The following PSME4 variants were observed in gnomAD, a reference collection of about 807,000 sequenced individuals.
PSME4 encodes the protein proteasome activator complex subunit 4.
PSME4 carries 89 observed loss-of-function variants against 253.9 expected under a neutral mutation model. The ratio of observed to expected loss-of-function variants is 0.35; its 90% CI spans 0.30 to 0.42. PSME4 has a LOEUF of 0.42. Ranked by LOEUF, PSME4 falls within the 10% of genes least tolerant of loss-of-function variation. The probability of loss-of-function intolerance (pLI) is 1.00; values close to 1 mark genes in which losing one functional copy is unlikely to be tolerated. For missense variants in PSME4, 2,014 were observed against 2,195.2 expected, an observed-to-expected ratio of 0.92 and a Z score of 1.65; for synonymous variants, 851 against 759.2, an observed-to-expected ratio of 1.12 and a Z score of -1.99.
chr2:53,955,451 T>C (rs1670187757), intron 1 of PSME4, among the ~76,000 whole-genome samples: 1 of 152,166 alleles, frequency 6.6e-6, no homozygotes, highest in African/African-American at 2.4e-5. Context: ...ATTCTTCCAA[T>C]GTGGGCCAGG....
intron 29 of PSME4, among the ~76,000 whole-genome samples, chr2:53,899,272 C>T (rs1680282229): frequency 6.6e-6 from 1 of 151,596 alleles, no homozygotes; most frequent in South Asian, 2.1e-4. Context: ...CACCATGTTG[C>T]CCAGGCTGGT....
chr2:53,954,457 G>A (rs1002681339), intron 1 of PSME4, among the ~76,000 whole-genome samples: 1 of 152,194 alleles, frequency 6.6e-6, no homozygotes, highest in East Asian at 1.9e-4. Flanking sequence ...CTGGGCAACA[G>A]AGTGAGACCC....
chr2:53,918,514 GTA>G (rs1397962867), intron 20 of PSME4, among the ~76,000 whole-genome samples: 2 of 151,976 alleles, frequency 1.3e-5, no homozygotes, highest in Non-Finnish European at 2.9e-5. Flanking sequence ...GCTCATTTTT[GTA>G]TTTTTTTGTA....
chr2:53,915,205 T>A (rs546963292), intron 20 of PSME4, among the ~76,000 whole-genome samples: 12 of 152,230 alleles, frequency 7.9e-5, no homozygotes, highest in African/African-American at 2.9e-4. Context: ...CTTTTGGATG[T>A]GGAGACAGGC....
intron 45 of PSME4, 140 bp from the exon 46 acceptor site, chr2:53,866,363 G>C: frequency 1.1e-6 from 1 of 894,018 alleles, no homozygotes; most frequent in Non-Finnish European, 1.7e-6. Flanking sequence ...AAAAGCCAAT[G>C]AGAAGGACAA....
chr2:53,944,871 AAAAAT>A (rs1410986075), intron 3 of PSME4, among the ~76,000 whole-genome samples: 3 of 152,226 alleles, frequency 2.0e-5, no homozygotes, highest in Non-Finnish European at 4.4e-5. Context: ...CAAATACCAG[AAAAAT>A]AAAATATCAA....
chr2:53,923,405 C>T lies in PSME4; in HGVS notation c.1824G>A (p.Lys608=), dbSNP rs751963440. ...TATGTGAAGTAGAAAAATTAAAAACCTTCTGAAGGGCCACCTGTTAAGATA... is the reference window on the plus strand; with the variant it reads ...TATGTGAAGTAGAAAAATTAAAAACTTTCTGAAGGGCCACCTGTTAAGATA... The part of the protein sequence containing the change: ...SKEIFMVALQ[K]VFNFSTSHIF... The change falls in exon 15 of 47, where the codon AAG becomes AAA. Residue 608 remains lysine (K), a synonymous_variant. Coordinates refer to ENST00000404125, the MANE Select transcript of PSME4 (RefSeq NM_014614.3). 6.2e-7 allele frequency: 1 copy of T among 1,605,178 alleles called. No individual in the cohort carries two copies. The highest frequency in any genetic ancestry group is 8.5e-7 in the Non-Finnish European group (1 of 1,177,176).
chr2:53,865,980 T>C (rs926812622), intron 46 of PSME4, 105 bp downstream of exon 46: 3 of 1,213,140 alleles, frequency 2.5e-6, no homozygotes, highest in Non-Finnish European at 3.4e-6. Flanking sequence ...CATCCAACTT[T>C]ATCTAAACAC....
Position 53,875,730 on chromosome 2 carries a change from C to A in PSME4, c.4841G>T (p.Ser1614Ile). ...FKIAPVENDNSYDELKRDAKL... is the reference protein window; with the variant it reads ...FKIAPVENDNIYDELKRDAKL... ...TGCATCTCTTTTCAGTTCATCGTAGCTATTGTCATTTTCCACTGGGGCAAT... is the reference window on the plus strand; with the variant it reads ...TGCATCTCTTTTCAGTTCATCGTAGATATTGTCATTTTCCACTGGGGCAAT... Residue 1614 changes from serine (S) to isoleucine (I), a missense_variant, in exon 42 of 47, where the codon AGC (serine) becomes ATC (isoleucine). Ser to Ile is a moderately radical substitution (Grantham distance 142). Coordinates refer to ENST00000404125, the MANE Select transcript of PSME4 (RefSeq NM_014614.3). 1 of 1,611,424 alleles carries A rather than the reference C, an allele frequency of 6.2e-7. No homozygotes were observed.
rs1558638032 is a variant in PSME4 at position 53,868,479 on chromosome 2, TATAA to T, written c.5263+893_5263+896del. 3.2e-4 allele frequency among the ~76,000 whole-genome samples: 26 copies of T among 80,054 alleles called. 1 individual carries two copies. The highest frequency in any genetic ancestry group is 1.2e-3 in the African/African-American group (25 of 20,782). 52.5% of individuals were successfully genotyped at this position (80,054 alleles called of 152,430 possible). The stretch of plus-strand genomic sequence containing the variant: ...AAAAATATATATTATAAAATATATT[TATAA>T]TATATATATATATGATATATATTAT... On this transcript the variant is annotated intron_variant, in intron 44 of 46. Coordinates refer to ENST00000404125, the MANE Select transcript of PSME4 (RefSeq NM_014614.3).
intron 44 of PSME4, among the ~76,000 whole-genome samples, 199 bp from the exon 45 acceptor site, chr2:53,867,079 C>T (rs972511790): frequency 6.6e-6 from 1 of 152,196 alleles, no homozygotes; most frequent in Non-Finnish European, 1.5e-5. Flanking sequence ...AATTTGTCAG[C>T]TGGGCACAGT....
intron 32 of PSME4, among the ~76,000 whole-genome samples, chr2:53,896,520 A>G (rs1038145684): frequency 2.6e-5 from 4 of 152,218 alleles, no homozygotes; most frequent in Non-Finnish European, 5.9e-5. Flanking sequence ...AACATTTAAC[A>G]AATTAATAAC....
intron 24 of PSME4, among the ~76,000 whole-genome samples, chr2:53,907,201 T>C (rs963281834): frequency 6.6e-6 from 1 of 152,162 alleles, no homozygotes; most frequent in African/African-American, 2.4e-5. Flanking sequence ...ACTAAGACAA[T>C]TGCTCAACTC....
At chr2:53,929,788 CAGGCG>C (rs1668738015) in intron 10 of PSME4, among the ~76,000 whole-genome samples, 1 of 152,068 alleles carries the variant, frequency 6.6e-6, no homozygotes, top group Non-Finnish European at 1.5e-5. Context: ...GAGGCCAAGG[CAGGCG>C]GACTGCTTGA....
chr2:53,878,784 A>G (rs576379691), intron 41 of PSME4, among the ~76,000 whole-genome samples: 32 of 152,364 alleles, frequency 2.1e-4, no homozygotes, highest in African/African-American at 7.7e-4. Flanking sequence ...TCTCCTGATA[A>G]GATGTTATCA....
At chr2:53,905,725 G>C (rs1573255840) in intron 26 of PSME4, among the ~76,000 whole-genome samples, 1 of 152,282 alleles carries the variant, frequency 6.6e-6, no homozygotes, top group Non-Finnish European at 1.5e-5. Flanking sequence ...ACAATCGCTT[G>C]AGCTCAAGCT....
At chr2:53,923,914 A>C (rs1324088229) in intron 14 of PSME4, among the ~76,000 whole-genome samples, 1 of 24,664 alleles carries the variant, frequency 4.1e-5, no homozygotes, top group East Asian at 6.6e-3. Context: ...CAGAGTTAAC[A>C]AAAAAAAAAA....
chr2:53,869,621 G>A (rs1558639547), intron 43 of PSME4, 83 bp from the exon 44 acceptor site: 3 of 1,135,654 alleles, frequency 2.6e-6, no homozygotes, highest in African/African-American at 3.1e-5. Context: ...TGGGAACTGG[G>A]GTGAAGACCT....
At chr2:53,876,583 T>TTA (rs147877530) in intron 41 of PSME4, among the ~76,000 whole-genome samples, 19,646 of 150,028 alleles carry the variant, frequency 0.13, 1,491 homozygotes, top group African/African-American at 0.22. Context: ...GCTAGAATAC[T>TTA]TATATATATA....
Sources: gnomAD v4.1 joint callset for allele counts (sites outside exome capture counted in the v4.1 genomes callset) on GRCh38, gnomAD v4.1.1 for gene constraint, MANE v1.5 for transcripts, NCBI Gene and HGNC (gene_info 2026-07-23, HGNC 2026-07-21) for gene names.